The following PHACTR1 variants were observed in gnomAD, a reference collection of about 807,000 sequenced individuals.
PHACTR1 encodes the protein RPEL repeat containing 1.
In PHACTR1, 16 loss-of-function variants were observed where a neutral mutation model predicts 69.2. The observed-to-expected ratio is 0.23, with a 90% confidence interval of 0.16 to 0.35. The LOEUF (loss-of-function observed/expected upper bound fraction) is 0.35, where lower values mean the gene tolerates loss of function less well. Ranked by LOEUF, PHACTR1 falls within the 10% of genes least tolerant of loss-of-function variation. The pLI, the probability that PHACTR1 is intolerant of heterozygous loss-of-function variation, is 1.00. For synonymous variants in PHACTR1, 312 were observed against 284.5 expected (o/e 1.10, Z -0.97); for missense variants, 510 against 734.7 (o/e 0.69, Z 3.54).
At chr6:13,145,425 A>T (rs898885997) in intron 5 of PHACTR1, among the ~76,000 whole-genome samples, 2 of 152,242 alleles carry the variant, frequency 1.3e-5, no homozygotes, top group Non-Finnish European at 2.9e-5. Context: ...CTTGGTCTTC[A>T]TATGTGAAAT....
At chr6:12,770,591 T>C (rs10948235) in intron 4 of PHACTR1, among the ~76,000 whole-genome samples, 55,834 of 152,096 alleles carry the variant, frequency 0.37, 11,004 homozygotes, top group African/African-American at 0.49. Flanking sequence ...AAAACTCATT[T>C]GGCATTTAAG....
intron 4 of PHACTR1, among the ~76,000 whole-genome samples, chr6:12,756,294 A>G (rs1472968108): frequency 6.6e-6 from 1 of 152,212 alleles, no homozygotes; most frequent in Non-Finnish European, 1.5e-5. Flanking sequence ...AACAGTTGAT[A>G]TAACATTTTC....
intron 5 of PHACTR1, among the ~76,000 whole-genome samples, chr6:13,127,542 G>A (rs1819728484): frequency 6.6e-6 from 1 of 152,186 alleles, no homozygotes; most frequent in East Asian, 1.9e-4. Context: ...TGCACTCTAG[G>A]CTGCGTGACA....
At chr6:12,953,278 G>A (rs538083171) in intron 4 of PHACTR1, among the ~76,000 whole-genome samples, 3 of 152,242 alleles carry the variant, frequency 2.0e-5, no homozygotes, top group African/African-American at 2.4e-5. Flanking sequence ...AGCCGAGATC[G>A]CGGCACTGCA....
chr6:13,006,189 A>C (rs770629903), intron 4 of PHACTR1, among the ~76,000 whole-genome samples: 11 of 152,152 alleles, frequency 7.2e-5, no homozygotes, highest in Admixed American at 2.6e-4. Context: ...TATGCATCCT[A>C]TTTTTATCCC....
chr6:13,198,560 A>G (rs1764747070), intron 7 of PHACTR1, among the ~76,000 whole-genome samples: 1 of 152,096 alleles, frequency 6.6e-6, no homozygotes, highest in Non-Finnish European at 1.5e-5. Flanking sequence ...CCCACATTGG[A>G]AGAAGAAGAA....
chr6:12,946,354 A>G (rs1042890545), intron 4 of PHACTR1, among the ~76,000 whole-genome samples: 6 of 152,156 alleles, frequency 3.9e-5, no homozygotes, highest in Admixed American at 1.3e-4. Context: ...AACCTTTGAG[A>G]AAGGGTGTCA....
At chr6:12,751,319 G>T (rs1301040734) in intron 4 of PHACTR1, among the ~76,000 whole-genome samples, 1 of 152,210 alleles carries the variant, frequency 6.6e-6, no homozygotes, top group Non-Finnish European at 1.5e-5. Context: ...ATGGCATGCT[G>T]TAGTAGTCCA....
intron 5 of PHACTR1, among the ~76,000 whole-genome samples, chr6:13,156,952 A>G (rs1249609384): frequency 6.6e-6 from 1 of 152,202 alleles, no homozygotes; most frequent in African/African-American, 2.4e-5. Flanking sequence ...GATGCCTGTA[A>G]TCACCTAGTC....
At chr6:13,200,637 T>A (rs1765087197) in intron 7 of PHACTR1, among the ~76,000 whole-genome samples, 2 of 152,084 alleles carry the variant, frequency 1.3e-5, no homozygotes, top group African/African-American at 4.8e-5. Flanking sequence ...TGACTGTGGC[T>A]TTTTACAAAT....
At chr6:12,738,628 C>T (rs188352158) in intron 3 of PHACTR1, among the ~76,000 whole-genome samples, 8 of 152,148 alleles carry the variant, frequency 5.3e-5, no homozygotes, top group Admixed American at 2.6e-4. Context: ...TTTGGGAGGC[C>T]GAGGCAGGCT....
Position 12,781,177 on chromosome 6 carries a change from T to C in PHACTR1, c.250+31387T>C, listed in dbSNP as rs564370889. Among the ~76,000 whole-genome samples the C allele has an allele frequency of 5.9e-5, 9 of 152,320 alleles. No homozygotes were observed. In the South Asian group the frequency reaches 1.9e-3, roughly 32 times the overall value. On this transcript the variant is annotated intron_variant, in intron 4 of 14. Coordinates refer to ENST00000332995, the MANE Select transcript of PHACTR1 (RefSeq NM_030948.6). ...TCTTTAAGTGGTTTTGAGTCCCCAC[T>C]GTGTTCTGTGCACAGACCTAGAGGC...
intron 4 of PHACTR1, among the ~76,000 whole-genome samples, chr6:12,760,032 G>A (rs149393973): frequency 6.6e-6 from 1 of 152,338 alleles, no homozygotes; most frequent in East Asian, 1.9e-4. Context: ...AATTAAATAA[G>A]TGTAAAGCAC....
intron 4 of PHACTR1, among the ~76,000 whole-genome samples, chr6:12,932,581 A>G (rs1435854770): frequency 1.3e-5 from 2 of 152,208 alleles, no homozygotes; most frequent in African/African-American, 4.8e-5. Flanking sequence ...TGTATACACA[A>G]AGACGCTTTA....
intron 4 of PHACTR1, among the ~76,000 whole-genome samples, chr6:12,768,809 TACACACACACACACACACACACAC>T (rs4053038): frequency 0.085 from 10,450 of 123,382 alleles, 479 homozygotes; most frequent in Admixed American, 0.13. Flanking sequence ...ATGTGCTATC[TACACACACACACACACACACACAC>T]ACACACACAC....
chr6:12,838,589 G>A lies in PHACTR1; in HGVS notation c.250+88799G>A, dbSNP rs554217607. 1.5e-4 allele frequency among the ~76,000 whole-genome samples: 23 copies of A among 152,214 alleles called. No individual in the cohort carries two copies. In the South Asian group the frequency reaches 3.7e-3, roughly 25 times the overall value. On this transcript the variant is annotated intron_variant, in intron 4 of 14. Coordinates refer to ENST00000332995, the MANE Select transcript of PHACTR1 (RefSeq NM_030948.6). The stretch of plus-strand genomic sequence containing the variant: ...TGGTAAAATAAACAAGTAAAATTTC[G>A]TAAAATGGGAGGCCCTCATGTTCTC...
intron 5 of PHACTR1, among the ~76,000 whole-genome samples, chr6:13,066,034 T>C (rs1433897421): frequency 6.6e-6 from 1 of 151,870 alleles, no homozygotes; most frequent in Non-Finnish European, 1.5e-5. Context: ...AAAGGGACCA[T>C]CTAGTGGTTA....
intron 4 of PHACTR1, among the ~76,000 whole-genome samples, chr6:12,968,382 A>T (rs1018647296): frequency 1.3e-5 from 2 of 152,158 alleles, no homozygotes; most frequent in Non-Finnish European, 2.9e-5. Flanking sequence ...ATTTTTTTTC[A>T]TGGCAAAATA....
At chr6:13,101,651 A>AAACAGTATAT (rs1461818686) in intron 5 of PHACTR1, among the ~76,000 whole-genome samples, 8 of 152,230 alleles carry the variant, frequency 5.3e-5, no homozygotes, top group African/African-American at 1.9e-4. Flanking sequence ...ATGGTACTCA[A>AAACAGTATAT]AACAGTATAT....
Sources: allele counts gnomAD v4.1 joint callset (sites outside exome capture counted in the v4.1 genomes callset), GRCh38; gene constraint gnomAD v4.1.1; transcripts MANE v1.5; gene names NCBI Gene and HGNC (gene_info 2026-07-23, HGNC 2026-07-21).